DISP1: variants seen among roughly 807,000 people sequenced by gnomAD.
DISP1 encodes protein dispatched homolog 1.
In DISP1, 30 loss-of-function variants were observed where a neutral mutation model predicts 37.3. That is an observed-to-expected ratio of 0.80 (90% CI 0.60 to 1.09). The LOEUF (loss-of-function observed/expected upper bound fraction) is 1.09, where lower values mean the gene tolerates loss of function less well. Among genes scored for constraint, DISP1 ranks in the 50% least tolerant of loss-of-function variants. DISP1 has a pLI of 0.00. For synonymous variants in DISP1, 634 were observed against 690.2 expected, an observed-to-expected ratio of 0.92 and a Z score of 1.28; for missense variants, 1,598 against 1,879.5, an observed-to-expected ratio of 0.85 and a Z score of 2.77.
intron 8 of DISP1, among the ~76,000 whole-genome samples, chr1:222,995,355 T>G (rs1678982394): frequency 6.6e-6 from 1 of 152,224 alleles, no homozygotes; most frequent in Non-Finnish European, 1.5e-5. Flanking sequence ...CTGAGGCAGT[T>G]GTCAGCATCT....
chr1:222,819,501 A>G (rs1017317029), intron 1 of DISP1, among the ~76,000 whole-genome samples: 5 of 149,028 alleles, frequency 3.4e-5, no homozygotes, highest in African/African-American at 1.2e-4. Context: ...TGTGGTTTTA[A>G]TATGTTATAT....
intron 1 of DISP1, among the ~76,000 whole-genome samples, chr1:222,872,040 G>T (rs1184132848): frequency 1.3e-5 from 2 of 152,100 alleles, no homozygotes; most frequent in Non-Finnish European, 2.9e-5. Context: ...CATCTATTGA[G>T]ATAATCATGT....
In DISP1 at chr1:222,942,832, G is replaced by C. The variant is rs748317167; in HGVS notation, c.9G>C (p.Met3Ile). Residue 3 changes from methionine (M) to isoleucine (I), a missense_variant, in exon 3 of 9, where the codon ATG becomes ATC. Met to Ile is a conservative substitution (Grantham distance 10, BLOSUM62 1). Transcript: ENST00000675850. The part of the protein sequence containing the change: MA[M>I]SNGNNDFVVL... The stretch of plus-strand genomic sequence containing the variant: ...AGTCAAGAAATTGGAGCATGGCTAT[G>C]AGCAATGGAAACAATGATTTTGTGG... The C allele has an allele frequency of 1.9e-6, 3 of 1,614,162 alleles. No homozygotes were observed. The highest frequency in any genetic ancestry group is 2.5e-6 in the Non-Finnish European group (3 of 1,180,034).
chr1:222,948,917 GAATC>G (rs1674991256), intron 3 of DISP1, among the ~76,000 whole-genome samples: 1 of 152,144 alleles, frequency 6.6e-6, no homozygotes, highest in Non-Finnish European at 1.5e-5. Context: ...ATGTTTTAAA[GAATC>G]AATCAGATAG....
intron 1 of DISP1, among the ~76,000 whole-genome samples, chr1:222,909,021 G>T (rs1672068242): frequency 6.6e-6 from 1 of 152,066 alleles, no homozygotes; most frequent in Non-Finnish European, 1.5e-5. Context: ...CTTGGGATGG[G>T]TTACTTCTGA....
Position 222,893,905 on chromosome 1 carries a change from G to C in DISP1, c.-158-34525G>C, listed in dbSNP as rs1182683290. Among the ~76,000 whole-genome samples, 1 of 152,204 alleles carries C rather than the reference G, an allele frequency of 6.6e-6. No individual in the cohort carries two copies. Among genetic ancestry groups the C allele is most frequent in the African/African-American group, 2.4e-5 (1 of 41,450 alleles). ...GTGTCCAGGAATAATGAGGTACATG[G>C]ACAACTGGAGTGTGAGCAAGGTGGA... is the stretch of plus-strand genomic sequence containing the variant. On this transcript the variant is annotated intron_variant, in intron 1 of 8. Coordinates refer to ENST00000675850, the MANE Select transcript of DISP1 (RefSeq NM_001377229.1). This position sits in a 1 kb window ranked among gnomAD's most constrained non-coding sequence, Gnocchi z 4.3.
chr1:222,825,189 G>A (rs1447084864), intron 1 of DISP1, among the ~76,000 whole-genome samples: 1 of 152,040 alleles, frequency 6.6e-6, no homozygotes, highest in Admixed American at 6.5e-5. Context: ...GGTGGTATAA[G>A]AATTCAAGCA....
At chr1:222,845,423 A>G (rs987982292) in intron 1 of DISP1, among the ~76,000 whole-genome samples, 1 of 152,188 alleles carries the variant, frequency 6.6e-6, no homozygotes, top group Non-Finnish European at 1.5e-5. Context: ...GGACTCTTGA[A>G]AGAAAATCTC....
chr1:222,828,730 C>T (rs974775149), intron 1 of DISP1, among the ~76,000 whole-genome samples: 3 of 152,164 alleles, frequency 2.0e-5, no homozygotes, highest in African/African-American at 7.2e-5. Flanking sequence ...CCCAGGGGCA[C>T]ATTCGCTTTA....
At chr1:222,878,509 A>C (rs1670096200) in intron 1 of DISP1, among the ~76,000 whole-genome samples, 1 of 152,196 alleles carries the variant, frequency 6.6e-6, no homozygotes, top group African/African-American at 2.4e-5. Flanking sequence ...TGAAGTGCTT[A>C]AGATGTTAAT....
chr1:222,989,848 G>T (rs1476847370), intron 4 of DISP1, among the ~76,000 whole-genome samples: 2 of 151,180 alleles, frequency 1.3e-5, no homozygotes, highest in East Asian at 3.9e-4. Context: ...TGTCGCCCAG[G>T]CTGGAGTGCA....
chr1:222,997,769 A>G lies in DISP1; in HGVS notation c.987+2787A>G, dbSNP rs377275873. The stretch of plus-strand genomic sequence containing the variant: ...TTTTTAGTACATATTTTCTAAGTCA[A>G]CAACTAAAAGCATTATCTATATGCT... On this transcript the variant is annotated intron_variant, in intron 8 of 8. Transcript: ENST00000675850. 9.2e-5 allele frequency among the ~76,000 whole-genome samples: 14 copies of G among 152,344 alleles called. No homozygotes were observed. In the East Asian group the frequency reaches 1.2e-3, roughly 13 times the overall value.
Position 222,893,590 on chromosome 1 carries a change from A to G in DISP1, c.-158-34840A>G, listed in dbSNP as rs1671065515. ...CGGGCAGCCCCAGGCGCCGGCACTG[A>G]CTCCATGGAAGGCTGCGGCTTGACC... On this transcript the variant is annotated intron_variant, in intron 1 of 8. Coordinates refer to ENST00000675850, the MANE Select transcript of DISP1 (RefSeq NM_001377229.1). This position sits in a 1 kb window ranked among gnomAD's most constrained non-coding sequence, Gnocchi z 4.3. Among the ~76,000 whole-genome samples, 1 of 152,086 alleles carries G rather than the reference A, an allele frequency of 6.6e-6. No homozygotes were observed. Among genetic ancestry groups the G allele is most frequent in the East Asian group, 1.9e-4 (1 of 5,194 alleles).
chr1:222,951,856 A>C (rs1675247963), intron 3 of DISP1, among the ~76,000 whole-genome samples: 1 of 152,218 alleles, frequency 6.6e-6, no homozygotes, highest in Non-Finnish European at 1.5e-5. Context: ...TTTGATCGGT[A>C]AGTATTTACA....
At chr1:222,883,472 T>C (rs924017949) in intron 1 of DISP1, among the ~76,000 whole-genome samples, 3 of 152,058 alleles carry the variant, frequency 2.0e-5, no homozygotes, top group Non-Finnish European at 4.4e-5. Flanking sequence ...ACAAAAATTG[T>C]TGGGCGTGGT....
intron 2 of DISP1, among the ~76,000 whole-genome samples, chr1:222,928,904 A>G (rs1450879275): frequency 6.6e-6 from 1 of 152,182 alleles, no homozygotes; most frequent in Non-Finnish European, 1.5e-5. Flanking sequence ...ATTCTTATTT[A>G]ACTACTATCT....
chr1:222,984,411 A>ATATAT (rs1372786064), intron 4 of DISP1, among the ~76,000 whole-genome samples: 1 of 51,230 alleles, frequency 2.0e-5, no homozygotes, highest in East Asian at 8.4e-4. Flanking sequence ...CTCAAAAAAA[A>ATATAT]AAAAAAAAAA....
At chr1:222,928,363 C>A (rs1417303292) in intron 1 of DISP1, 67 bp from the exon 2 acceptor site, 1 of 152,180 alleles carries the variant, frequency 6.6e-6, no homozygotes, top group Non-Finnish European at 1.5e-5. Context: ...TATTGGAGAG[C>A]AAACACTGAA....
intron 2 of DISP1, among the ~76,000 whole-genome samples, chr1:222,931,402 G>C (rs1673386827): frequency 6.6e-6 from 1 of 151,838 alleles, no homozygotes; most frequent in Admixed American, 6.6e-5. Flanking sequence ...GTTAAGCTCG[G>C]TAATATGATC....
Sources: allele counts gnomAD v4.1 joint callset (sites outside exome capture counted in the v4.1 genomes callset), GRCh38; gene constraint gnomAD v4.1.1; non-coding constraint Gnocchi (gnomAD v3.1); transcripts MANE v1.5; gene names NCBI Gene and HGNC (gene_info 2026-07-23, HGNC 2026-07-21).